The following CEP295 variants were observed in gnomAD, a reference collection of about 807,000 sequenced individuals.
CEP295 encodes the protein centrosomal protein of 295 kDa.
A neutral mutation model predicts 291.6 loss-of-function variants in CEP295; 190 were observed. The observed-to-expected ratio is 0.65, with a 90% CI of 0.58 to 0.73. CEP295 has a LOEUF of 0.73. CEP295 is among the 30% of genes least tolerant of loss of function. The probability of loss-of-function intolerance (pLI) is 0.00; values close to 1 mark genes in which losing one functional copy is unlikely to be tolerated. For synonymous variants in CEP295, 993 were observed against 1,038.8 expected (o/e 0.96, Z 0.85); for missense variants, 2,863 against 2,949.4 (o/e 0.97, Z 0.68).
rs76093640 is a variant in CEP295, at chr11:93,705,534, A to G, written c.5597-1211A>G. Among the ~76,000 whole-genome samples, 9 of 151,936 alleles carry G rather than the reference A, an allele frequency of 5.9e-5. No individual in the cohort carries two copies. In the East Asian group the frequency reaches 1.7e-3, roughly 29 times the overall value. On this transcript the variant is annotated intron_variant, in intron 17 of 29. Coordinates refer to ENST00000325212, the MANE Select transcript of CEP295 (RefSeq NM_033395.2). ...TGACTTTTCTTTTGAACTTTTGATG[A>G]TCAAATTGTAGTTTCTAAAAGGTTA...
At chr11:93,710,855 C>T (rs1952844967) in intron 18 of CEP295, among the ~76,000 whole-genome samples, 1 of 152,132 alleles carries the variant, frequency 6.6e-6, no homozygotes, top group African/African-American at 2.4e-5. Context: ...TTGTATGTGT[C>T]TAGGAATTTA....
chr11:93,700,912 G>A (rs1333837559), intron 15 of CEP295, among the ~76,000 whole-genome samples: 1 of 152,038 alleles, frequency 6.6e-6, no homozygotes, highest in African/African-American at 2.4e-5. Context: ...CACTATTATG[G>A]TTTGTTGTAA....
chr11:93,705,600 C>T (rs892106840), intron 17 of CEP295, among the ~76,000 whole-genome samples: 20 of 152,118 alleles, frequency 1.3e-4, no homozygotes, highest in Admixed American at 5.2e-4. Flanking sequence ...TAGCATCCTG[C>T]TATTGTTTCA....
At chr11:93,704,405 C>T (rs115900887) in intron 17 of CEP295, among the ~76,000 whole-genome samples, 18 of 152,076 alleles carry the variant, frequency 1.2e-4, no homozygotes, top group Non-Finnish European at 2.2e-4. Flanking sequence ...ATGGGAGGAT[C>T]GAGACCAGCC....
In CEP295 at chr11:93,730,166, A is replaced by G. The variant is rs7101779; in HGVS notation, c.7767+18A>G. The G allele has an allele frequency of 0.98, 1,516,310 of 1,550,866 alleles. 743,328 individuals are homozygous for G. The highest frequency in any genetic ancestry group is 0.99 in the Non-Finnish European group (1,137,207 of 1,146,678). On this transcript the variant is annotated intron_variant, in intron 29 of 29. Coordinates refer to ENST00000325212, the MANE Select transcript of CEP295 (RefSeq NM_033395.2). ...TCCATAAGGTGAGTATAACTGAGGG[A>G]GAAGGACTTAATTTTTCAAGCATGA...
intron 18 of CEP295, 31 bp from the exon 19 acceptor site, chr11:93,721,281 C>T (rs750748362): frequency 1.6e-6 from 2 of 1,270,138 alleles, no homozygotes; most frequent in South Asian, 1.3e-5. Flanking sequence ...ATATTTTTCT[C>T]CCATCTTGAA....
At chr11:93,726,760 A>G (rs1954176044) in intron 23 of CEP295, 1 of 414,104 alleles carries the variant, frequency 2.4e-6, no homozygotes, top group African/African-American at 2.1e-5. Context: ...GTCCTTATTA[A>G]ATATTAATAG....
intron 25 of CEP295, 94 bp downstream of exon 25, chr11:93,728,915 T>C (rs1937843399): frequency 8.6e-7 from 1 of 1,158,096 alleles, no homozygotes. Flanking sequence ...TTGGAGGGAA[T>C]TATGCTATGC....
chr11:93,690,036 G>C (rs993963672), intron 10 of CEP295, among the ~76,000 whole-genome samples: 10 of 152,164 alleles, frequency 6.6e-5, no homozygotes, highest in African/African-American at 2.4e-4. Flanking sequence ...AGTAAAAGGA[G>C]TGGCCAGAGA....
rs1453853851 is a variant in CEP295, at chr11:93,696,845, T to C, written c.1933T>C (p.Trp645Arg). 6.4e-7 allele frequency: 1 copy of C among 1,551,724 alleles called. No homozygotes were observed. The change falls in exon 15 of 30, where the codon TGG becomes CGG. Residue 645 changes from tryptophan to arginine, a missense_variant. Coordinates refer to ENST00000325212, the MANE Select transcript of CEP295 (RefSeq NM_033395.2). ...SERPTAISEH[W>R]DQGQRLKLSP... ...GAGACCGACTGCTATATCAGAGCAT[T>C]GGGATCAAGGTCAGAGACTCAAGTT...
Position 93,687,707 on chromosome 11 carries a change from A to T in CEP295, c.1178A>T (p.Lys393Met), listed in dbSNP as rs1191959056. Residue 393 changes from lysine (K) to methionine (M), a missense_variant, in exon 10 of 30, where the codon AAG (lysine) becomes ATG (methionine). Lys to Met is a moderately conservative substitution (Grantham distance 95). Around this residue, in one of 3 missense-constraint regions of CEP295, gnomAD observed 554 missense variants for 576.0 expected, o/e 0.96. Coordinates refer to ENST00000325212, the MANE Select transcript of CEP295 (RefSeq NM_033395.2). ...GTTCTTTTTAAAAAATTATTAAATA[A>T]GATCCGAAGCCAAAAATCTCTCTGG... is the stretch of plus-strand genomic sequence containing the variant. Reference protein sequence around the residue: ...SKVLFKKLLNKIRSQKSLWTI... With the variant: ...SKVLFKKLLNMIRSQKSLWTI... The T allele has an allele frequency of 1.3e-5, 20 of 1,547,188 alleles. No homozygotes were observed. In the South Asian group the frequency reaches 2.4e-4, roughly 19 times the overall value.
chr11:93,685,798 C>T (rs1951203902), intron 9 of CEP295, among the ~76,000 whole-genome samples: 1 of 152,264 alleles, frequency 6.6e-6, no homozygotes, highest in African/African-American at 2.4e-5. Context: ...ACAACCTCCA[C>T]CTCCCGGGTT....
intron 18 of CEP295, among the ~76,000 whole-genome samples, chr11:93,714,962 T>G (rs1215244391): frequency 6.6e-6 from 1 of 152,168 alleles, no homozygotes; most frequent in Non-Finnish European, 1.5e-5. Context: ...AGCACAGTAC[T>G]GGGTCTTGCC....
At position 93,691,672 on chromosome 11, in the gene CEP295, A is replaced by G. The variant is rs145048231; in HGVS notation, c.1337-11A>G. 3 of 1,473,700 alleles carry G rather than the reference A, an allele frequency of 2.0e-6. No individual in the cohort carries two copies. The East Asian group carries it at 7.4e-5, about 36-fold the overall frequency. 91.3% of individuals were successfully genotyped at this position (1,473,700 alleles called of 1,614,324 possible). A position where few individuals can be genotyped will look rare whatever the true frequency, so the allele number is the denominator to read the frequency against. On this transcript the variant is annotated splice_polypyrimidine_tract_variant and intron_variant, in intron 10 of 29. Transcript: ENST00000325212. ...ATATATTCAAAATAACAGTGGTATTATCTATTACAGTTGTTGAAAGTGATA... is the reference window on the plus strand; with the variant it reads ...ATATATTCAAAATAACAGTGGTATTGTCTATTACAGTTGTTGAAAGTGATA...
chr11:93,684,654 T>G (rs1196223647), intron 9 of CEP295, among the ~76,000 whole-genome samples: 2 of 152,320 alleles, frequency 1.3e-5, no homozygotes, highest in East Asian at 3.9e-4. Context: ...AAAAGGGTAC[T>G]AAGTGACAGT....
intron 5 of CEP295, among the ~76,000 whole-genome samples, chr11:93,671,747 G>A (rs933603104): frequency 6.6e-6 from 1 of 152,142 alleles, no homozygotes; most frequent in Non-Finnish European, 1.5e-5. Context: ...AAGCTAGGTT[G>A]TGGGGTATTT....
At chr11:93,712,343 T>C (rs1341503469) in intron 18 of CEP295, among the ~76,000 whole-genome samples, 5 of 152,192 alleles carry the variant, frequency 3.3e-5, no homozygotes, top group Non-Finnish European at 7.3e-5. Flanking sequence ...AGCCTCCGCC[T>C]CGTGGGTTCA....
intron 18 of CEP295, among the ~76,000 whole-genome samples, chr11:93,715,572 C>A (rs1953186118): frequency 6.6e-6 from 1 of 152,082 alleles, no homozygotes; most frequent in African/African-American, 2.4e-5. Context: ...CTTCTCATAG[C>A]CATCACAGCT....
At chr11:93,684,470 C>T (rs1368066556) in intron 9 of CEP295, among the ~76,000 whole-genome samples, 1 of 152,140 alleles carries the variant, frequency 6.6e-6, no homozygotes, top group African/African-American at 2.4e-5. Flanking sequence ...GTGGCATACA[C>T]ACCTGAATGT....
Sources: allele counts gnomAD v4.1 joint callset (sites outside exome capture counted in the v4.1 genomes callset), GRCh38; gene constraint gnomAD v4.1.1; regional missense constraint gnomAD v4.1.1; transcripts MANE v1.5; gene names NCBI Gene and HGNC (gene_info 2026-07-23, HGNC 2026-07-21).